Variants in ST6GAL2 observed in about 807,000 individuals in gnomAD.
ST6GAL2 encodes the protein beta-galactoside alpha-2,6-sialyltransferase 2.
In ST6GAL2, 24 loss-of-function variants were observed where a neutral mutation model predicts 37.5. The ratio of observed to expected loss-of-function variants is 0.64; its 90% confidence interval spans 0.46 to 0.90. ST6GAL2 has a LOEUF of 0.90. Ranked by LOEUF, ST6GAL2 falls within the 40% of genes least tolerant of loss-of-function variation. The probability of loss-of-function intolerance (pLI) is 0.00; values close to 1 mark genes in which losing one functional copy is unlikely to be tolerated. For missense variants in ST6GAL2, 715 were observed against 712.7 expected (o/e 1.00, Z -0.04); for synonymous variants, 306 against 295.1 (o/e 1.04, Z -0.38).
intron 5 of ST6GAL2, among the ~76,000 whole-genome samples, chr2:106,829,327 GAGA>G (rs1352318027): frequency 3.9e-5 from 6 of 152,206 alleles, no homozygotes; most frequent in African/African-American, 1.4e-4. Context: ...GGCAGTGGCA[GAGA>G]AGAATTCAAA....
intron 5 of ST6GAL2, among the ~76,000 whole-genome samples, chr2:106,807,243 C>A (rs1222541200): frequency 1.3e-5 from 2 of 152,120 alleles, no homozygotes; most frequent in African/African-American, 4.8e-5. Flanking sequence ...CTTGAGGGAA[C>A]CACACGCTAG....
intron 1 of ST6GAL2, among the ~76,000 whole-genome samples, chr2:106,862,244 T>G (rs1677829588): frequency 6.6e-6 from 1 of 152,248 alleles, no homozygotes; most frequent in Admixed American, 6.5e-5. Flanking sequence ...GTGCTTTTGC[T>G]CATTTTATTT....
At chr2:106,811,474 T>G (rs1362089038) in intron 5 of ST6GAL2, among the ~76,000 whole-genome samples, 2 of 152,142 alleles carry the variant, frequency 1.3e-5, no homozygotes, top group African/African-American at 4.8e-5. Flanking sequence ...ATTCAACATC[T>G]ATCAAGCTGA....
At chr2:106,849,696 C>G (rs999382386) in intron 1 of ST6GAL2, among the ~76,000 whole-genome samples, 1 of 152,122 alleles carries the variant, frequency 6.6e-6, no homozygotes, top group Non-Finnish European at 1.5e-5. Context: ...CATCTATCCT[C>G]TCTGAAGGAC....
At chr2:106,864,996 C>T (rs377751949) in intron 1 of ST6GAL2, among the ~76,000 whole-genome samples, 34 of 152,212 alleles carry the variant, frequency 2.2e-4, no homozygotes, top group Middle Eastern at 3.4e-3. Flanking sequence ...AACGCTTCCA[C>T]TATAGCCAAT....
intron 4 of ST6GAL2, among the ~76,000 whole-genome samples, chr2:106,830,734 A>T (rs1676389709): frequency 6.6e-6 from 1 of 152,162 alleles, no homozygotes; most frequent in Admixed American, 6.5e-5. Flanking sequence ...TTCAAATATG[A>T]GTTTTCCAAA....
At chr2:106,865,559 A>G (rs1362802558) in intron 1 of ST6GAL2, among the ~76,000 whole-genome samples, 2 of 152,234 alleles carry the variant, frequency 1.3e-5, no homozygotes, top group Non-Finnish European at 2.9e-5. Context: ...AGTAAGCAAT[A>G]GCAAAATTCG....
intron 1 of ST6GAL2, among the ~76,000 whole-genome samples, chr2:106,867,344 C>G (rs1015210938): frequency 2.6e-5 from 4 of 152,110 alleles, no homozygotes; most frequent in Non-Finnish European, 5.9e-5. Context: ...GTCATGATTC[C>G]ACTGTTGGCA....
At chr2:106,865,366 G>A (rs532863014) in intron 1 of ST6GAL2, among the ~76,000 whole-genome samples, 2 of 152,164 alleles carry the variant, frequency 1.3e-5, no homozygotes, top group African/African-American at 4.8e-5. Flanking sequence ...CAGATGCAGA[G>A]AGCACATGCT....
At chr2:106,884,977 A>C (rs1678918411) in intron 1 of ST6GAL2, among the ~76,000 whole-genome samples, 1 of 147,202 alleles carries the variant, frequency 6.8e-6, no homozygotes, top group Non-Finnish European at 1.5e-5. Context: ...ATGTATATAC[A>C]TATACATCAT....
intron 1 of ST6GAL2, among the ~76,000 whole-genome samples, chr2:106,845,638 A>G (rs1427950816): frequency 2.0e-5 from 3 of 152,234 alleles, no homozygotes; most frequent in South Asian, 2.1e-4. Flanking sequence ...TCCTACCTCA[A>G]TGTGGTCACC....
At chr2:106,823,442 AACACACACACACACACACAC>A (rs60795605) in intron 5 of ST6GAL2, among the ~76,000 whole-genome samples, 29 of 101,566 alleles carry the variant, frequency 2.9e-4, no homozygotes, top group Admixed American at 6.1e-4. Flanking sequence ...CCCAGCAGAA[AACACACACACACACACACAC>A]ACACACACAC....
At position 106,843,562 on chromosome 2, in the gene ST6GAL2, C is replaced by T. The variant is rs199962702; in HGVS notation, c.416G>A (p.Gly139Glu). Residue 139 changes from glycine to glutamate, a missense_variant, in exon 2 of 6, where the codon GGG (glycine) becomes GAG (glutamate). By Grantham distance (98) the Gly-to-Glu change is moderately conservative (BLOSUM62 -2). This residue lies in a region of ST6GAL2 where 512 missense variants were observed against 488.8 expected (regional missense o/e 1.05). Coordinates refer to ENST00000409382, the MANE Select transcript of ST6GAL2 (RefSeq NM_001142351.2). ...TGTCCCCTGAGTGTGGCTGTGCCACCCTGGCTGACCAGCAGCAAAAAAGTA... is the reference window on the plus strand; with the variant it reads ...TGTCCCCTGAGTGTGGCTGTGCCACTCTGGCTGACCAGCAGCAAAAAAGTA... ...DDYFFAAGQP[G>E]WHSHTQGTLG... 3 of 1,613,880 alleles carry T rather than the reference C, an allele frequency of 1.9e-6. No individual in the cohort carries two copies. The highest frequency in any genetic ancestry group is 2.2e-5 in the East Asian group (1 of 44,872).
In ST6GAL2 at chr2:106,843,270, C is replaced by T. The variant is rs1170367673; in HGVS notation, c.708G>A (p.Val236=). 5 of 1,606,634 alleles carry T rather than the reference C, an allele frequency of 3.1e-6. No homozygotes were observed. In the African/African-American group the frequency reaches 5.3e-5, roughly 17 times the overall value. Residue 236 remains valine, a synonymous_variant, in exon 2 of 6, where the codon GTG becomes GTA. Coordinates refer to ENST00000409382, the MANE Select transcript of ST6GAL2 (RefSeq NM_001142351.2). The stretch of plus-strand genomic sequence containing the variant: ...CGGCCTCCCGCTTCCCGCGGAAGCG[C>T]ACCCCGTGCTTGTTGGCGGTCAGGT... ...KDYLTANKHG[V]RFRGKREAGL... is the part of the protein sequence containing the mutation.
intron 1 of ST6GAL2, among the ~76,000 whole-genome samples, chr2:106,885,513 C>A (rs79896643): frequency 6.6e-6 from 1 of 152,098 alleles, no homozygotes; most frequent in Non-Finnish European, 1.5e-5. Context: ...GCAGCACTTG[C>A]GGGAGCCATT....
At chr2:106,852,740 A>G (rs1017398472) in intron 1 of ST6GAL2, among the ~76,000 whole-genome samples, 1 of 152,182 alleles carries the variant, frequency 6.6e-6, no homozygotes, top group Non-Finnish European at 1.5e-5. Flanking sequence ...GGGTGGCTCC[A>G]GGCAAAATCA....
chr2:106,870,174 C>T (rs1039555050), intron 1 of ST6GAL2, among the ~76,000 whole-genome samples: 1 of 152,088 alleles, frequency 6.6e-6, no homozygotes, highest in Non-Finnish European at 1.5e-5. Context: ...TTCTTCCCAC[C>T]CTTCATTGGC....
Position 106,843,253 on chromosome 2 carries a change from C to A in ST6GAL2, c.725G>T (p.Arg242Leu), listed in dbSNP as rs758618457. 68 of 1,594,182 alleles carry A rather than the reference C, an allele frequency of 4.3e-5. No individual in the cohort carries two copies. The highest frequency in any genetic ancestry group is 6.0e-6 in the Non-Finnish European group (7 of 1,170,136). Residue 242 changes from arginine to leucine, a missense_variant, in exon 2 of 6, where the codon CGG (arginine) becomes CTG (leucine). Arg to Leu is a moderately radical substitution (Grantham distance 102, BLOSUM62 -2). Transcript: ENST00000409382. ...CTGTGCCCTGCTCAGCCCGGCCTCC[C>A]GCTTCCCGCGGAAGCGCACCCCGTG... ...NKHGVRFRGK[R>L]EAGLSRAQLL...
At chr2:106,821,120 A>C (rs1218767515) in intron 5 of ST6GAL2, among the ~76,000 whole-genome samples, 1 of 151,950 alleles carries the variant, frequency 6.6e-6, no homozygotes, top group Non-Finnish European at 1.5e-5. Flanking sequence ...CAAAACCAAA[A>C]TTAGTAGAAA....
Sources: gnomAD v4.1 joint callset for allele counts (sites outside exome capture counted in the v4.1 genomes callset) on GRCh38, gnomAD v4.1.1 for gene constraint, gnomAD v4.1.1 regional missense constraint, MANE v1.5 for transcripts, NCBI Gene and HGNC (gene_info 2026-07-23, HGNC 2026-07-21) for gene names.